Variants in DLGAP4 observed in about 807,000 individuals in gnomAD.
The protein encoded by DLGAP4 is DLG associated protein 4.
Under a neutral mutation model 86.9 loss-of-function variants are expected in DLGAP4, and 18 were observed. The ratio of observed to expected loss-of-function variants is 0.21; its 90% CI spans 0.14 to 0.31. DLGAP4 has a LOEUF of 0.31. DLGAP4 is among the 10% of genes least tolerant of loss of function. The probability of loss-of-function intolerance (pLI) is 1.00; values close to 1 mark genes in which losing one functional copy is unlikely to be tolerated. For missense variants in DLGAP4, 1,085 were observed against 1,362.6 expected (o/e 0.80, Z 3.21); for synonymous variants, 548 against 574.3 (o/e 0.95, Z 0.65).
intron 1 of DLGAP4, among the ~76,000 whole-genome samples, chr20:36,337,039 C>G (rs576605199): frequency 6.6e-6 from 1 of 152,042 alleles, no homozygotes; most frequent in African/African-American, 2.4e-5. Context: ...CTGGGGGAGT[C>G]GGGAGAGAGT....
chr20:36,375,532 C>G lies in DLGAP4; in HGVS notation c.-73+8257C>G, dbSNP rs528472597. On this transcript the variant is annotated intron_variant, in intron 2 of 12. Transcript: ENST00000339266. ...CAAGGACGAATCAGAGCTGCCCCTG[C>G]CCAGGGGAAATTCTCAATTCAGCCC... Among the ~76,000 whole-genome samples the G allele has an allele frequency of 4.6e-5, 7 of 152,270 alleles. No individual in the cohort carries two copies. In the South Asian group the frequency reaches 1.5e-3, roughly 32 times the overall value.
At chr20:36,526,292 G>A (rs935193217) in intron 12 of DLGAP4, among the ~76,000 whole-genome samples, 2 of 150,856 alleles carry the variant, frequency 1.3e-5, no homozygotes, top group Non-Finnish European at 2.9e-5. Context: ...TAACAGAGGA[G>A]GCAGCAAAAA....
At chr20:36,332,338 G>A (rs1487998057) in intron 1 of DLGAP4, among the ~76,000 whole-genome samples, 26 of 152,000 alleles carry the variant, frequency 1.7e-4, no homozygotes, top group Non-Finnish European at 1.2e-4. Context: ...GACACCTGCA[G>A]ACTTTCCCTG....
At chr20:36,396,459 ACACACACACATACACATC>A (rs2147474701) in intron 2 of DLGAP4, among the ~76,000 whole-genome samples, 2 of 72,580 alleles carry the variant, frequency 2.8e-5, no homozygotes, top group African/African-American at 8.2e-5. Flanking sequence ...CATCACATGC[ACACACACACATACACATC>A]ACACACACCA....
Position 36,446,822 on chromosome 20 carries a change from C to T in DLGAP4, c.1533C>T (p.His511=). The change falls in exon 7 of 13, where the codon CAC becomes CAT. Residue 511 remains histidine (H), a synonymous_variant. Coordinates refer to ENST00000339266, the MANE Select transcript of DLGAP4 (RefSeq NM_001365621.2). ...CCAGCTACTTCCGCTCCCGCAGCCA[C>T]AGCTACCTGCGTGCCATCCAGGCAG... The part of the protein sequence containing the change: ...PLPSYFRSRS[H]SYLRAIQAGC... 1 of 1,612,998 alleles carries T rather than the reference C, an allele frequency of 6.2e-7. No individual in the cohort carries two copies. Among genetic ancestry groups the T allele is most frequent in the Non-Finnish European group, 8.5e-7 (1 of 1,179,818 alleles).
At position 36,431,961 on chromosome 20, in the gene DLGAP4, G is replaced by A. The variant is rs2033142426; in HGVS notation, c.244G>A (p.Val82Met). The A allele has an allele frequency of 2.5e-6, 4 of 1,614,144 alleles. No homozygotes were observed. Among genetic ancestry groups the A allele is most frequent in the Non-Finnish European group, 3.4e-6 (4 of 1,180,016 alleles). Residue 82 changes from valine (V) to methionine (M), a missense_variant, in exon 3 of 13, where the codon GTG (valine) becomes ATG (methionine). Physicochemically the swap from Val to Met is conservative, Grantham distance 21 (BLOSUM62 1). Around this residue, in one of 2 missense-constraint regions of DLGAP4, gnomAD observed 1,082 missense variants for 1,344.1 expected, o/e 0.81. Coordinates refer to ENST00000339266, the MANE Select transcript of DLGAP4 (RefSeq NM_001365621.2). The surrounding 1 kb of genome is among the most constrained non-coding windows in gnomAD (Gnocchi z 5.1). ...PRIHYNSHFE[V>M]PEESPFPSHA... ...CATCCACTACAACTCCCACTTCGAG[G>A]TGCCAGAGGAGAGCCCCTTCCCCAG... is the stretch of plus-strand genomic sequence containing the variant.
intron 10 of DLGAP4, among the ~76,000 whole-genome samples, chr20:36,518,405 T>G (rs544114466): frequency 6.6e-6 from 1 of 152,346 alleles, no homozygotes; most frequent in African/African-American, 2.4e-5. Flanking sequence ...CCTCTTATTT[T>G]TATTAATTTC....
intron 7 of DLGAP4, among the ~76,000 whole-genome samples, chr20:36,493,699 G>A (rs1200486853): frequency 6.6e-6 from 1 of 152,226 alleles, no homozygotes; most frequent in Admixed American, 6.5e-5. Context: ...CCCAAGGCCT[G>A]GAGAGCAGAG....
chr20:36,517,891 T>C (rs1268169362), intron 10 of DLGAP4, among the ~76,000 whole-genome samples: 1 of 152,184 alleles, frequency 6.6e-6, no homozygotes, highest in Non-Finnish European at 1.5e-5. Flanking sequence ...CAAAAATCAG[T>C]GTGGGACGTT....
At chr20:36,465,322 A>G (rs1436699018) in intron 7 of DLGAP4, 1 of 152,150 alleles carries the variant, frequency 6.6e-6, no homozygotes, top group Non-Finnish European at 1.5e-5. Flanking sequence ...TTCTCCACCA[A>G]CAGGCCTGGA....
At chr20:36,341,292 T>C (rs2065377359) in intron 1 of DLGAP4, among the ~76,000 whole-genome samples, 1 of 152,228 alleles carries the variant, frequency 6.6e-6, no homozygotes, top group African/African-American at 2.4e-5. Context: ...TCTTGACCCC[T>C]GGTTTTCTCT....
At chr20:36,472,208 T>C (rs2034696735) in intron 7 of DLGAP4, among the ~76,000 whole-genome samples, 1 of 152,134 alleles carries the variant, frequency 6.6e-6, no homozygotes, top group African/African-American at 2.4e-5. Context: ...TTAAAATCAC[T>C]AGCCTAGTGG....
intron 1 of DLGAP4, among the ~76,000 whole-genome samples, chr20:36,351,126 C>A (rs946546717): frequency 1.6e-4 from 25 of 152,230 alleles, no homozygotes; most frequent in Non-Finnish European, 3.1e-4. Flanking sequence ...TTGGGGGCCC[C>A]CCTGCCTGGC....
intron 9 of DLGAP4, 44 bp downstream of exon 9, chr20:36,499,720 C>T (rs761558853): frequency 1.3e-6 from 2 of 1,503,802 alleles, no homozygotes; most frequent in East Asian, 4.6e-5. Context: ...CTCTCCTCTC[C>T]CTCCCTCCGC....
chr20:36,311,645 T>C (rs945912748), intron 1 of DLGAP4, among the ~76,000 whole-genome samples: 1 of 152,208 alleles, frequency 6.6e-6, no homozygotes, highest in African/African-American at 2.4e-5. Context: ...CCTCTGTTAG[T>C]GAGCACCGAT....
chr20:36,433,470 A>G (rs938528709), intron 3 of DLGAP4, among the ~76,000 whole-genome samples: 7 of 152,178 alleles, frequency 4.6e-5, no homozygotes, highest in African/African-American at 1.7e-4. Flanking sequence ...GTGGCTCTCA[A>G]GGGTAGGGCA....
intron 7 of DLGAP4, among the ~76,000 whole-genome samples, chr20:36,463,259 C>CT: frequency 6.6e-6 from 1 of 152,326 alleles, no homozygotes; most frequent in Non-Finnish European, 1.5e-5. Context: ...CTTGTCCTCT[C>CT]TGTCAGTTTC....
intron 2 of DLGAP4, among the ~76,000 whole-genome samples, chr20:36,395,321 C>A (rs2031914048): frequency 6.6e-6 from 1 of 152,096 alleles, no homozygotes; most frequent in South Asian, 2.1e-4. Context: ...AGAATGTAGG[C>A]TCTATGGGGG....
At chr20:36,368,781 G>A (rs934473252) in intron 2 of DLGAP4, among the ~76,000 whole-genome samples, 1 of 152,268 alleles carries the variant, frequency 6.6e-6, no homozygotes, top group Non-Finnish European at 1.5e-5. Context: ...CATTTCTTGA[G>A]CAATTACTAT....
Sources: allele counts gnomAD v4.1 joint callset (sites outside exome capture counted in the v4.1 genomes callset), GRCh38; gene constraint gnomAD v4.1.1; regional missense constraint gnomAD v4.1.1; non-coding constraint Gnocchi (gnomAD v3.1); transcripts MANE v1.5; gene names NCBI Gene and HGNC (gene_info 2026-07-23, HGNC 2026-07-21).